Variants in SORCS1 observed in about 807,000 individuals in gnomAD.
SORCS1 encodes sortilin related VPS10 domain containing receptor 1.
SORCS1 carries 60 observed loss-of-function variants against 146.1 expected under a neutral mutation model. The observed-to-expected ratio is 0.41, with a 90% CI of 0.33 to 0.51. SORCS1 has a LOEUF of 0.51. Ranked by LOEUF, SORCS1 falls within the 20% of genes least tolerant of loss-of-function variation. The pLI is 0.21. For missense variants in SORCS1, 1,352 were observed against 1,487.6 expected, an observed-to-expected ratio of 0.91 and a Z score of 1.50; for synonymous variants, 637 against 584.0, an observed-to-expected ratio of 1.09 and a Z score of -1.31.
chr10:106,938,252 G>A (rs1953853956), intron 2 of SORCS1, among the ~76,000 whole-genome samples: 1 of 152,172 alleles, frequency 6.6e-6, no homozygotes, highest in Admixed American at 6.5e-5. Flanking sequence ...GCCTATTTCA[G>A]GAACTTAGCA....
intron 1 of SORCS1, among the ~76,000 whole-genome samples, chr10:107,133,247 G>GTGGATACA (rs1967001789): frequency 6.6e-6 from 1 of 152,166 alleles, no homozygotes; most frequent in Non-Finnish European, 1.5e-5. Context: ...GTCTTTTTGG[G>GTGGATACA]TGGATACAGC....
chr10:106,740,064 T>G (rs1857259621), intron 5 of SORCS1, among the ~76,000 whole-genome samples: 1 of 152,088 alleles, frequency 6.6e-6, no homozygotes. Flanking sequence ...CTCCACATGT[T>G]TTGTTTGAAC....
At chr10:107,151,632 C>T (rs1968806845) in intron 1 of SORCS1, among the ~76,000 whole-genome samples, 1 of 152,278 alleles carries the variant, frequency 6.6e-6, no homozygotes, top group East Asian at 1.9e-4. Flanking sequence ...AGGTCCCTCC[C>T]ACAACAAGTG....
At chr10:106,944,748 GTT>G (rs1430301884) in intron 2 of SORCS1, among the ~76,000 whole-genome samples, 1 of 151,698 alleles carries the variant, frequency 6.6e-6, no homozygotes, top group Non-Finnish European at 1.5e-5. Flanking sequence ...CCCTCAGCGA[GTT>G]TATATTTTAA....
At chr10:107,035,749 G>A (rs1268146955) in intron 1 of SORCS1, among the ~76,000 whole-genome samples, 4 of 152,008 alleles carry the variant, frequency 2.6e-5, no homozygotes, top group African/African-American at 4.8e-5. Context: ...ATGTGTTTTA[G>A]AACAGACTAA....
chr10:107,065,819 T>C (rs980769370), intron 1 of SORCS1, among the ~76,000 whole-genome samples: 7 of 152,056 alleles, frequency 4.6e-5, no homozygotes, highest in African/African-American at 9.7e-5. Flanking sequence ...CTCCCAGCCC[T>C]AGGCTGAACA....
At chr10:107,178,111 C>G in the SORCS1 span, among the ~76,000 whole-genome samples, 3 of 152,116 alleles carry the variant, frequency 2.0e-5, no homozygotes, top group Admixed American at 6.6e-5. Flanking sequence ...CACACTTTTA[C>G]CTATGTAACA....
chr10:106,847,861 G>A (rs1223759348), intron 2 of SORCS1, among the ~76,000 whole-genome samples: 4 of 148,972 alleles, frequency 2.7e-5, no homozygotes, highest in Non-Finnish European at 3.0e-5. Flanking sequence ...TCATTCAGGA[G>A]CAGGTTGTTC....
intron 5 of SORCS1, among the ~76,000 whole-genome samples, chr10:106,732,342 A>T (rs3844061): frequency 6.6e-6 from 1 of 151,892 alleles, no homozygotes; most frequent in African/African-American, 2.4e-5. Context: ...ATTTCAGTTA[A>T]GTACTGCAGC....
At chr10:106,733,695 T>C (rs1430099250) in intron 5 of SORCS1, among the ~76,000 whole-genome samples, 3 of 152,174 alleles carry the variant, frequency 2.0e-5, no homozygotes, top group Non-Finnish European at 4.4e-5. Flanking sequence ...AGCATCAACA[T>C]AGAATTTAAT....
rs938486302 is a variant in SORCS1 at position 106,702,677 on chromosome 10, C to T, written c.1234-3284G>A. Among the ~76,000 whole-genome samples, 7 of 152,316 alleles carry T rather than the reference C, an allele frequency of 4.6e-5. No homozygotes were observed. The Middle Eastern group carries it at 0.01, about 222-fold the overall frequency. On this transcript the variant is annotated intron_variant, in intron 8 of 25. Transcript: ENST00000263054. ...ACAGCCATTTTCAAATGATATTGGT[C>T]TTAAATAGTTTAATTGAAAAGTTTA...
At chr10:106,919,338 A>T (rs1323268361) in intron 2 of SORCS1, among the ~76,000 whole-genome samples, 1 of 152,164 alleles carries the variant, frequency 6.6e-6, no homozygotes, top group Non-Finnish European at 1.5e-5. Flanking sequence ...TTCAGATCCC[A>T]GTGACTCTTA....
intron 21 of SORCS1, among the ~76,000 whole-genome samples, chr10:106,617,904 A>C (rs1025672965): frequency 6.6e-6 from 1 of 152,234 alleles, no homozygotes; most frequent in Non-Finnish European, 1.5e-5. Context: ...TCCACTTTAC[A>C]CTATGAGTGA....
intron 22 of SORCS1, among the ~76,000 whole-genome samples, chr10:106,609,096 A>C (rs1846799712): frequency 6.6e-6 from 1 of 152,202 alleles, no homozygotes; most frequent in African/African-American, 2.4e-5. Flanking sequence ...TAGGAAGATT[A>C]GACAGTGGCT....
At chr10:106,765,218 C>A (rs571710898) in intron 4 of SORCS1, among the ~76,000 whole-genome samples, 1 of 152,072 alleles carries the variant, frequency 6.6e-6, no homozygotes, top group African/African-American at 2.4e-5. Context: ...GACTACATTG[C>A]ATTAGTAAAT....
At chr10:106,806,254 G>A (rs1203455011) in intron 3 of SORCS1, among the ~76,000 whole-genome samples, 2 of 150,304 alleles carry the variant, frequency 1.3e-5, no homozygotes, top group Non-Finnish European at 3.0e-5. Context: ...TATAGTCCCA[G>A]CTACTCAGGA....
chr10:107,109,595 T>C (rs901655039), intron 1 of SORCS1, among the ~76,000 whole-genome samples: 4 of 152,178 alleles, frequency 2.6e-5, no homozygotes, highest in African/African-American at 9.6e-5. Context: ...TCTGGGCCTA[T>C]GATGAGAAGG....
At chr10:107,119,070 T>C (rs1212140446) in intron 1 of SORCS1, among the ~76,000 whole-genome samples, 3 of 152,082 alleles carry the variant, frequency 2.0e-5, no homozygotes, top group African/African-American at 7.2e-5. Flanking sequence ...CTATATACCA[T>C]AATGAAATGA....
chr10:107,003,428 A>AAG (rs1491272733), intron 1 of SORCS1, among the ~76,000 whole-genome samples: 8 of 101,998 alleles, frequency 7.8e-5, no homozygotes, highest in Admixed American at 3.8e-4. Context: ...AAATTCCCAT[A>AAG]AGTGTGTGTG....
Sources: allele counts gnomAD v4.1 joint callset (sites outside exome capture counted in the v4.1 genomes callset), GRCh38; gene constraint gnomAD v4.1.1; transcripts MANE v1.5; gene names NCBI Gene and HGNC (gene_info 2026-07-23, HGNC 2026-07-21).